Variants in MYH14 observed in about 807,000 individuals in gnomAD.
MYH14 encodes myosin heavy chain 14, also known as myosin-14.
MYH14 carries 123 observed loss-of-function variants against 255.5 expected under a neutral mutation model. That is an observed-to-expected ratio of 0.48 (90% CI 0.42 to 0.56). The LOEUF (loss-of-function observed/expected upper bound fraction) is 0.56, where lower values mean the gene tolerates loss of function less well. MYH14 is among the 20% of genes least tolerant of loss of function. The probability of loss-of-function intolerance (pLI) is 0.00; values close to 1 mark genes in which losing one functional copy is unlikely to be tolerated. For missense variants in MYH14, 2,423 were observed against 2,802.3 expected, an observed-to-expected ratio of 0.86 and a Z score of 3.06; for synonymous variants, 1,095 against 1,161.2, an observed-to-expected ratio of 0.94 and a Z score of 1.16.
intron 27 of MYH14, among the ~76,000 whole-genome samples, chr19:50,273,949 C>G (rs1280717376): frequency 6.6e-6 from 1 of 152,082 alleles, no homozygotes; most frequent in Non-Finnish European, 1.5e-5. Flanking sequence ...TTGAGTCTGA[C>G]TTCTGGGTTG....
At chr19:50,269,612 C>T (rs971300638) in intron 24 of MYH14, among the ~76,000 whole-genome samples, 9 of 152,226 alleles carry the variant, frequency 5.9e-5, no homozygotes, top group Admixed American at 2.6e-4. Flanking sequence ...ACACCACAGA[C>T]GGCCACATGG....
At chr19:50,278,416 A>T in intron 30 of MYH14, 127 bp downstream of exon 30, 1 of 680,238 alleles carries the variant, frequency 1.5e-6, no homozygotes, top group Non-Finnish European at 2.3e-6. Context: ...ATAATCATGT[A>T]CAAGTCTGGG....
At chr19:50,294,410 G>T (rs578096439) in intron 39 of MYH14, among the ~76,000 whole-genome samples, 1 of 150,736 alleles carries the variant, frequency 6.6e-6, no homozygotes, top group East Asian at 2.0e-4. Context: ...ACCAATGTCT[G>T]CATTCTTCAT....
chr19:50,264,702 A>G (rs1006473359), intron 22 of MYH14, among the ~76,000 whole-genome samples: 1 of 152,206 alleles, frequency 6.6e-6, no homozygotes, highest in Non-Finnish European at 1.5e-5. Flanking sequence ...AACCTTGGCC[A>G]GCCTGGTCTC....
At chr19:50,214,130 G>C (rs2123170326) in intron 2 of MYH14, among the ~76,000 whole-genome samples, 1 of 152,238 alleles carries the variant, frequency 6.6e-6, no homozygotes, top group Non-Finnish European at 1.5e-5. Context: ...GCCCAGCTGG[G>C]GTTCACATTA....
chr19:50,302,858 C>T (rs1199708233), intron 40 of MYH14, among the ~76,000 whole-genome samples: 6 of 151,812 alleles, frequency 4.0e-5, no homozygotes, highest in Admixed American at 6.6e-5. Flanking sequence ...GCCAAGATCA[C>T]GCCATTGCAC....
intron 32 of MYH14, among the ~76,000 whole-genome samples, chr19:50,281,392 G>A (rs1220544632): frequency 6.6e-6 from 1 of 152,192 alleles, no homozygotes; most frequent in Non-Finnish European, 1.5e-5. Context: ...GCATCTTGGA[G>A]GGAGTAATTT....
Position 50,249,842 on chromosome 19 carries a change from C to T in MYH14, c.1656+19C>T. 6.2e-7 allele frequency: 1 copy of T among 1,613,558 alleles called. No individual in the cohort carries two copies. The highest frequency in any genetic ancestry group is 1.1e-5 in the South Asian group (1 of 91,030). On this transcript the variant is annotated intron_variant, in intron 14 of 42. Coordinates refer to ENST00000642316, the MANE Select transcript of MYH14 (RefSeq NM_001145809.2). ...GCGGCCGGTGAGCCCCAGGCCCCTC[C>T]CAGCCCACACTCACGGTTCAGATCC...
At chr19:50,291,291 C>G (rs1012713749) in intron 36 of MYH14, among the ~76,000 whole-genome samples, 2 of 150,722 alleles carry the variant, frequency 1.3e-5, no homozygotes, top group African/African-American at 2.4e-5. Flanking sequence ...TTGTTTGTTT[C>G]TTTGTTTGTT....
At chr19:50,238,063 C>G (rs1260538420) in intron 10 of MYH14, among the ~76,000 whole-genome samples, 1 of 152,230 alleles carries the variant, frequency 6.6e-6, no homozygotes, top group Non-Finnish European at 1.5e-5. Context: ...GGGTGTCTGT[C>G]CATCTCCTTC....
chr19:50,278,051 A>G (rs1016592153), intron 29 of MYH14, 32 bp from the exon 30 acceptor site: 1 of 1,499,854 alleles, frequency 6.7e-7, no homozygotes, highest in Non-Finnish European at 9.0e-7. Context: ...GAAAGGCCTC[A>G]TAGATCTTTG....
rs1272423154 is a variant in MYH14 at position 50,217,597 on chromosome 19, C to T, written c.406-18C>T. ...GTGGGCAGCCATCTGAGACCCTCTC[C>T]CCTCTCACCCACTGCAGACGTACTC... On this transcript the variant is annotated intron_variant, in intron 2 of 42. Transcript: ENST00000642316. 18 of 1,613,890 alleles carry T rather than the reference C, an allele frequency of 1.1e-5. No individual in the cohort carries two copies. Among genetic ancestry groups the T allele is most frequent in the Non-Finnish European group, 1.5e-5 (18 of 1,179,910 alleles).
At chr19:50,297,387 G>A (rs1265233459) in intron 39 of MYH14, among the ~76,000 whole-genome samples, 6 of 151,992 alleles carry the variant, frequency 3.9e-5, no homozygotes, top group African/African-American at 7.3e-5. Context: ...TCCCGTGGGT[G>A]CTGGCAGTCC....
At position 50,210,723 on chromosome 19, in the gene MYH14, T is replaced by A. The variant is rs2123157342; in HGVS notation, c.358T>A (p.Ser120Thr). Residue 120 changes from serine to threonine, a missense_variant, in exon 2 of 43, where the codon TCG (serine) becomes ACG (threonine). Coordinates refer to ENST00000642316, the MANE Select transcript of MYH14 (RefSeq NM_001145809.2). ...CGAGCTGACCTGCCTCAACGAGGCC[T>A]CGGTCCTGCACAACCTCCGGGAGCG... is the stretch of plus-strand genomic sequence containing the variant. ...MAELTCLNEA[S>T]VLHNLRERYY... 6.3e-7 allele frequency: 1 copy of A among 1,579,728 alleles called. No homozygotes were observed. Among genetic ancestry groups the A allele is most frequent in the Non-Finnish European group, 8.6e-7 (1 of 1,163,574 alleles).
Position 50,230,653 on chromosome 19 carries a change from C to T in MYH14, c.973+30C>T. The stretch of plus-strand genomic sequence containing the variant: ...GTGCCGCCCCGTCCTACCCTGCTCA[C>T]CCGGGAGAGGGTGGGCACCATGTCT... On this transcript the variant is annotated intron_variant, in intron 9 of 42. Coordinates refer to ENST00000642316, the MANE Select transcript of MYH14 (RefSeq NM_001145809.2). The surrounding 1 kb of genome is among the most constrained non-coding windows in gnomAD (Gnocchi z 4.7). The T allele has an allele frequency of 1.3e-6, 2 of 1,540,302 alleles. No homozygotes were observed. Among genetic ancestry groups the T allele is most frequent in the Non-Finnish European group, 1.8e-6 (2 of 1,137,426 alleles).
intron 7 of MYH14, 130 bp from the exon 8 acceptor site, chr19:50,226,773 T>G: frequency 1.2e-6 from 1 of 812,360 alleles, no homozygotes. Flanking sequence ...GGGGTTCAGG[T>G]AGAGGGAGCA....
chr19:50,301,835 G>GC lies in MYH14; in HGVS notation c.5647dup (p.Gln1883ProfsTer3). On this transcript the variant is annotated frameshift_variant, in exon 40 of 43. Coordinates refer to ENST00000642316, the MANE Select transcript of MYH14 (RefSeq NM_001145809.2). LOFTEE classifies it high-confidence loss of function. Reference sequence around the variant, plus strand: ...CATTGCTGCCCTTGAGTCTAAGTTGGCCCAGGCTGAGGAGCAGCTAGAGCA... The same window carrying GC: ...CATTGCTGCCCTTGAGTCTAAGTTGGCCCCAGGCTGAGGAGCAGCTAGAGCA... 1.2e-6 allele frequency: 2 copies of GC among 1,613,542 alleles called. No individual in the cohort carries two copies. Among genetic ancestry groups the GC allele is most frequent in the Non-Finnish European group, 1.7e-6 (2 of 1,179,742 alleles).
chr19:50,255,065 T>C (rs2034541354), intron 16 of MYH14, among the ~76,000 whole-genome samples, 155 bp from the exon 17 acceptor site: 2 of 152,176 alleles, frequency 1.3e-5, no homozygotes, highest in Admixed American at 1.3e-4. Context: ...ACATTCTGGT[T>C]TTCCATCTTG....
intron 3 of MYH14, among the ~76,000 whole-genome samples, chr19:50,220,504 T>G (rs1365255379): frequency 6.6e-6 from 1 of 151,346 alleles, no homozygotes; most frequent in African/African-American, 2.4e-5. Context: ...TTAAATAGTA[T>G]AACATATTAA....
Sources: allele counts gnomAD v4.1 joint callset (sites outside exome capture counted in the v4.1 genomes callset), GRCh38; gene constraint gnomAD v4.1.1; non-coding constraint Gnocchi (gnomAD v3.1); transcripts MANE v1.5; gene names NCBI Gene and HGNC (gene_info 2026-07-23, HGNC 2026-07-21).